COL21A1: variants seen among roughly 807,000 people sequenced by gnomAD.
The protein encoded by COL21A1 is collagen type XXI alpha 1 chain.
A neutral mutation model predicts 137.9 loss-of-function variants in COL21A1; 149 were observed. That is an observed-to-expected ratio of 1.08 (90% CI 0.95 to 1.24). The LOEUF is 1.24. Among genes scored for constraint, COL21A1 ranks in the 50% most tolerant of loss-of-function variants. COL21A1 has a pLI of 0.00. For synonymous variants in COL21A1, 456 were observed against 391.5 expected (o/e 1.16, Z -1.95); for missense variants, 1,167 against 1,158.4 (o/e 1.01, Z -0.11).
chr6:56,088,865 G>T (rs1461945917), intron 17 of COL21A1, among the ~76,000 whole-genome samples: 2 of 151,984 alleles, frequency 1.3e-5, no homozygotes, highest in African/African-American at 4.8e-5. Context: ...CTGCTGAATG[G>T]GGCCTCGACC....
intron 3 of COL21A1, among the ~76,000 whole-genome samples, chr6:56,176,389 A>G (rs1232347021): frequency 1.3e-5 from 2 of 150,966 alleles, no homozygotes; most frequent in Non-Finnish European, 2.9e-5. Context: ...AGAGGTTAAC[A>G]TTCAAAATAA....
chr6:56,181,069 C>T (rs1465394827), intron 2 of COL21A1, among the ~76,000 whole-genome samples: 1 of 152,192 alleles, frequency 6.6e-6, no homozygotes, highest in Non-Finnish European at 1.5e-5. Flanking sequence ...GCCATCCCCT[C>T]CTAAATTTAT....
intron 24 of COL21A1, among the ~76,000 whole-genome samples, chr6:56,063,473 G>A (rs774484664): frequency 1.3e-5 from 2 of 151,976 alleles, no homozygotes; most frequent in Non-Finnish European, 2.9e-5. Context: ...GGATGGAGTT[G>A]TTTGTGTCAT....
intron 1 of COL21A1, among the ~76,000 whole-genome samples, chr6:56,351,548 C>T (rs1765711447): frequency 1.3e-5 from 2 of 152,280 alleles, no homozygotes; most frequent in South Asian, 4.1e-4. Context: ...GAGGGGAATC[C>T]TAAATCTGCA....
Position 56,096,932 on chromosome 6 carries a change from T to C in COL21A1, c.1812+4540A>G, listed in dbSNP as rs987612994. ...CACAAAATATATAAACTTTATGGATTTTTTTTCTATTTTCAAAGCTTTTCC... is the reference window on the plus strand; with the variant it reads ...CACAAAATATATAAACTTTATGGATCTTTTTTCTATTTTCAAAGCTTTTCC... On this transcript the variant is annotated intron_variant, in intron 17 of 29. Transcript: ENST00000244728. Among the ~76,000 whole-genome samples, 9 of 152,258 alleles carry C rather than the reference T, an allele frequency of 5.9e-5. 1 individual carries two copies. The South Asian group carries it at 1.9e-3, about 32-fold the overall frequency.
intron 1 of COL21A1, among the ~76,000 whole-genome samples, chr6:56,242,379 C>A (rs988453441): frequency 6.6e-6 from 1 of 152,110 alleles, no homozygotes; most frequent in African/African-American, 2.4e-5. Flanking sequence ...AAAGCTCAAA[C>A]TTCGCTAGAA....
intron 16 of COL21A1, among the ~76,000 whole-genome samples, chr6:56,109,900 G>A (rs1561873360): frequency 6.6e-6 from 1 of 151,944 alleles, no homozygotes; most frequent in Non-Finnish European, 1.5e-5. Context: ...GCAAAGCTCA[G>A]GCCCAGAGGG....
chr6:56,225,790 T>G (rs535278111), intron 1 of COL21A1: 1 of 151,990 alleles, frequency 6.6e-6, no homozygotes, highest in Non-Finnish European at 1.5e-5. Context: ...AAATTAAGTT[T>G]GAGTAATTCT....
At chr6:56,070,822 G>C (rs1276325019) in intron 20 of COL21A1, 24 bp from the exon 21 acceptor site, 1 of 1,566,956 alleles carries the variant, frequency 6.4e-7, no homozygotes, top group Non-Finnish European at 8.7e-7. Context: ...AAAAACATTG[G>C]AGTTTTTTAA....
chr6:56,337,373 G>A (rs1415835887), intron 1 of COL21A1, among the ~76,000 whole-genome samples: 2 of 152,204 alleles, frequency 1.3e-5, no homozygotes, highest in Non-Finnish European at 2.9e-5. Flanking sequence ...ATATTCCTCT[G>A]AGAATAAATT....
chr6:56,148,394 C>A (rs766069160), intron 10 of COL21A1, among the ~76,000 whole-genome samples: 192 of 110,236 alleles, frequency 1.7e-3, no homozygotes, highest in Non-Finnish European at 2.7e-3. Flanking sequence ...ATAAATAAAT[C>A]TATTTGCCAA....
intron 1 of COL21A1, among the ~76,000 whole-genome samples, chr6:56,216,933 A>C (rs1311175846): frequency 6.6e-6 from 1 of 152,070 alleles, no homozygotes; most frequent in Non-Finnish European, 1.5e-5. Flanking sequence ...TTAGAAGGTA[A>C]GACCTGATTA....
chr6:56,389,248 G>A (rs995532856), intron 1 of COL21A1, among the ~76,000 whole-genome samples: 1 of 152,088 alleles, frequency 6.6e-6, no homozygotes, highest in Non-Finnish European at 1.5e-5. Flanking sequence ...TGTAGTCCCA[G>A]CTACTTGGGA....
intron 1 of COL21A1, among the ~76,000 whole-genome samples, chr6:56,305,133 G>A (rs1478408322): frequency 6.6e-6 from 1 of 152,200 alleles, no homozygotes; most frequent in Non-Finnish European, 1.5e-5. Flanking sequence ...TACATTTGCT[G>A]AGGAATGCTT....
At chr6:56,317,954 AG>A (rs1764778110) in intron 1 of COL21A1, among the ~76,000 whole-genome samples, 1 of 152,206 alleles carries the variant, frequency 6.6e-6, no homozygotes, top group South Asian at 2.1e-4. Flanking sequence ...CATGTAGCAA[AG>A]TTACAATTTG....
chr6:56,349,793 G>A (rs922292419), intron 1 of COL21A1, among the ~76,000 whole-genome samples: 4 of 152,110 alleles, frequency 2.6e-5, no homozygotes, highest in African/African-American at 9.7e-5. Flanking sequence ...CCATTTTGTT[G>A]TCAAAAGAAA....
intron 1 of COL21A1, among the ~76,000 whole-genome samples, chr6:56,307,097 G>C (rs1764479710): frequency 6.6e-6 from 1 of 152,204 alleles, no homozygotes; most frequent in South Asian, 2.1e-4. Context: ...TTGTCTCAGA[G>C]AAGTACCCGG....
At chr6:56,280,873 T>C (rs1343241346) in intron 1 of COL21A1, among the ~76,000 whole-genome samples, 1 of 151,756 alleles carries the variant, frequency 6.6e-6, no homozygotes, top group Non-Finnish European at 1.5e-5. Flanking sequence ...ACACGCAAAA[T>C]AGCTGGGTGT....
At chr6:56,117,368 G>T (rs1017028659) in intron 16 of COL21A1, among the ~76,000 whole-genome samples, 3 of 151,968 alleles carry the variant, frequency 2.0e-5, no homozygotes, top group African/African-American at 7.2e-5. Context: ...CAATGATAAA[G>T]GGGTTAATTC....
Sources: allele counts gnomAD v4.1 joint callset (sites outside exome capture counted in the v4.1 genomes callset), GRCh38; gene constraint gnomAD v4.1.1; transcripts MANE v1.5; gene names NCBI Gene and HGNC (gene_info 2026-07-23, HGNC 2026-07-21).